Variants in PHACTR1 observed in about 807,000 individuals in gnomAD.
The protein encoded by PHACTR1 is phosphatase and actin regulator 1.
A neutral mutation model predicts 69.2 loss-of-function variants in PHACTR1; 16 were observed. The observed-to-expected ratio is 0.23, with a 90% CI of 0.16 to 0.35. The LOEUF (loss-of-function observed/expected upper bound fraction) is 0.35. PHACTR1 is among the 10% of genes least tolerant of loss of function. PHACTR1 has a pLI of 1.00. For missense variants in PHACTR1, 510 were observed against 734.7 expected, an observed-to-expected ratio of 0.69 and a Z score of 3.54; for synonymous variants, 312 against 284.5, an observed-to-expected ratio of 1.10 and a Z score of -0.97.
chr6:12,830,551 C>A, intron 4 of PHACTR1, among the ~76,000 whole-genome samples: 1 of 150,904 alleles, frequency 6.6e-6, no homozygotes, highest in East Asian at 1.9e-4. Context: ...ACTGAAGACT[C>A]ATTTCTTCTG....
chr6:12,863,832 T>G (rs1002747792), intron 4 of PHACTR1, among the ~76,000 whole-genome samples: 22 of 152,002 alleles, frequency 1.4e-4, no homozygotes, highest in African/African-American at 4.3e-4. Context: ...CAGGTGATTT[T>G]TGTGTGTGTG....
At chr6:12,809,892 A>G (rs1052743775) in intron 4 of PHACTR1, among the ~76,000 whole-genome samples, 5 of 152,262 alleles carry the variant, frequency 3.3e-5, no homozygotes, top group African/African-American at 1.2e-4. Context: ...GGCTAAAACA[A>G]TAAATACATT....
intron 6 of PHACTR1, among the ~76,000 whole-genome samples, chr6:13,173,438 C>T (rs903085283): frequency 2.6e-5 from 4 of 152,116 alleles, no homozygotes; most frequent in African/African-American, 9.7e-5. Flanking sequence ...TGTAATCACA[C>T]GAACTCCCTA....
chr6:12,975,489 C>T (rs1028878297), intron 4 of PHACTR1, among the ~76,000 whole-genome samples: 7 of 152,260 alleles, frequency 4.6e-5, no homozygotes, highest in East Asian at 1.9e-4. Flanking sequence ...AATGTTATAG[C>T]GCTGAGACAT....
chr6:12,830,129 G>GAAAGAAAGAAAGAAAGAGAAAGAAAGA (rs1777352210), intron 4 of PHACTR1, among the ~76,000 whole-genome samples: 1 of 136,564 alleles, frequency 7.3e-6, no homozygotes, highest in Non-Finnish European at 1.6e-5. Context: ...AAGAAAGAAA[G>GAAAGAAAGAAAGAAAGAGAAAGAAAGA]AAAGAAAGAA....
Position 12,882,239 on chromosome 6 carries a change from A to C in PHACTR1, c.250+132449A>C, listed in dbSNP as rs142917381. Among the ~76,000 whole-genome samples the C allele has an allele frequency of 1.5e-3, 233 of 152,248 alleles. 1 individual carries two copies. The highest frequency in any genetic ancestry group is 5.3e-3 in the African/African-American group (219 of 41,546). On this transcript the variant is annotated intron_variant, in intron 4 of 14. Coordinates refer to ENST00000332995, the MANE Select transcript of PHACTR1 (RefSeq NM_030948.6). Reference sequence around the variant, plus strand: ...GCTTAAGGAAGGAGGAATGAAGATGAAAGTGGCTGCTTGATTGGAGAGAAC... The same window carrying C: ...GCTTAAGGAAGGAGGAATGAAGATGCAAGTGGCTGCTTGATTGGAGAGAAC...
chr6:12,748,715 A>G (rs1766138555), intron 3 of PHACTR1, among the ~76,000 whole-genome samples: 1 of 152,226 alleles, frequency 6.6e-6, no homozygotes, highest in Non-Finnish European at 1.5e-5. Context: ...AGAGGCTACA[A>G]GTCCAACCCA....
chr6:12,969,960 C>T (rs139488208), intron 4 of PHACTR1, among the ~76,000 whole-genome samples: 1 of 152,262 alleles, frequency 6.6e-6, no homozygotes, highest in Non-Finnish European at 1.5e-5. Flanking sequence ...GAGACTCCAT[C>T]TTAAAACAAA....
chr6:12,857,394 G>A (rs1582122295), intron 4 of PHACTR1, among the ~76,000 whole-genome samples: 2 of 132,690 alleles, frequency 1.5e-5, no homozygotes, highest in African/African-American at 5.6e-5. Flanking sequence ...AGAGGATCAC[G>A]AGGTCAAGAG....
At chr6:13,150,613 C>G (rs1244601811) in intron 5 of PHACTR1, among the ~76,000 whole-genome samples, 1 of 151,882 alleles carries the variant, frequency 6.6e-6, no homozygotes, top group Non-Finnish European at 1.5e-5. Flanking sequence ...ATTCTTTTTT[C>G]TTTTTTACAT....
At chr6:12,973,619 T>C (rs1306093030) in intron 4 of PHACTR1, among the ~76,000 whole-genome samples, 1 of 152,174 alleles carries the variant, frequency 6.6e-6, no homozygotes, top group Non-Finnish European at 1.5e-5. Flanking sequence ...TTTCAACAGG[T>C]CAGTGTGTTG....
intron 5 of PHACTR1, among the ~76,000 whole-genome samples, chr6:13,101,041 T>C (rs1003194768): frequency 8.5e-5 from 13 of 152,250 alleles, no homozygotes; most frequent in Admixed American, 6.5e-5. Context: ...TAAACTTTCA[T>C]TTTTATGTGT....
chr6:12,813,237 T>TTGTCGAAATGTGTGC (rs1483113290), intron 4 of PHACTR1, among the ~76,000 whole-genome samples: 1 of 152,208 alleles, frequency 6.6e-6, no homozygotes, highest in African/African-American at 2.4e-5. Flanking sequence ...TAAATGTGTG[T>TTGTCGAAATGTGTGC]TGTCTAAATG....
At chr6:13,023,798 C>T (rs1190569270) in intron 4 of PHACTR1, among the ~76,000 whole-genome samples, 2 of 152,172 alleles carry the variant, frequency 1.3e-5, no homozygotes, top group African/African-American at 4.8e-5. Flanking sequence ...AAAATGGGGT[C>T]GGGCACAATG....
chr6:12,934,911 A>G (rs1034748560), intron 4 of PHACTR1, among the ~76,000 whole-genome samples: 1 of 152,102 alleles, frequency 6.6e-6, no homozygotes, highest in East Asian at 1.9e-4. Context: ...GTACTGCACT[A>G]TAAGAGATTG....
intron 4 of PHACTR1, among the ~76,000 whole-genome samples, chr6:12,812,494 G>A (rs1326749968): frequency 6.6e-6 from 1 of 152,154 alleles, no homozygotes; most frequent in East Asian, 1.9e-4. Context: ...TAAAAGAAGC[G>A]AAGTGTCTAG....
At chr6:12,898,077 C>T (rs1418069372) in intron 4 of PHACTR1, among the ~76,000 whole-genome samples, 1 of 152,180 alleles carries the variant, frequency 6.6e-6, no homozygotes, top group East Asian at 1.9e-4. Flanking sequence ...TCCGGGGCAG[C>T]ATTTAGCACT....
chr6:12,973,333 C>T (rs550025155), intron 4 of PHACTR1, among the ~76,000 whole-genome samples: 5 of 152,068 alleles, frequency 3.3e-5, no homozygotes, highest in South Asian at 4.2e-4. Context: ...CTCCTCCACT[C>T]GAAATTTTAG....
At chr6:13,237,894 A>G (rs1772244525) in intron 10 of PHACTR1, among the ~76,000 whole-genome samples, 1 of 152,242 alleles carries the variant, frequency 6.6e-6, no homozygotes, top group African/African-American at 2.4e-5. Flanking sequence ...AAACATAGAA[A>G]AGGTAGAATA....
Sources: gnomAD v4.1 joint callset for allele counts (sites outside exome capture counted in the v4.1 genomes callset) on GRCh38, gnomAD v4.1.1 for gene constraint, MANE v1.5 for transcripts, NCBI Gene and HGNC (gene_info 2026-07-23, HGNC 2026-07-21) for gene names.